FGGY: variants seen among roughly 807,000 people sequenced by gnomAD.
FGGY encodes the protein FGGY carbohydrate kinase domain-containing protein.
Under a neutral mutation model 71.3 loss-of-function variants are expected in FGGY, and 72 were observed. The ratio of observed to expected loss-of-function variants is 1.01; its 90% confidence interval spans 0.84 to 1.23. The LOEUF (loss-of-function observed/expected upper bound fraction) is 1.23, where lower values mean the gene tolerates loss of function less well. Ranked by LOEUF, FGGY falls within the 50% of genes most tolerant of loss-of-function variation. The pLI is 0.00. For missense variants in FGGY, 668 were observed against 682.3 expected (o/e 0.98, Z 0.23); for synonymous variants, 251 against 250.3 (o/e 1.00, Z -0.02).
intron 5 of FGGY, among the ~76,000 whole-genome samples, chr1:59,433,621 A>G (rs1488443476): frequency 2.6e-5 from 4 of 152,162 alleles, no homozygotes; most frequent in African/African-American, 9.7e-5. Flanking sequence ...ATGCTTTTGT[A>G]AATTTCCTGG....
chr1:59,638,660 C>T (rs2096987035), intron 11 of FGGY, among the ~76,000 whole-genome samples: 1 of 152,164 alleles, frequency 6.6e-6, no homozygotes, highest in Non-Finnish European at 1.5e-5. Flanking sequence ...GTAATTTTGG[C>T]ATTTATATCA....
intron 2 of FGGY, among the ~76,000 whole-genome samples, chr1:59,329,391 G>C (rs1434308957): frequency 6.6e-6 from 1 of 152,220 alleles, no homozygotes; most frequent in East Asian, 1.9e-4. Flanking sequence ...TGGAAAAATG[G>C]CAGCAATGGA....
chr1:59,409,330 G>A (rs927012441), intron 5 of FGGY, among the ~76,000 whole-genome samples: 3 of 152,120 alleles, frequency 2.0e-5, no homozygotes, highest in South Asian at 2.1e-4. Context: ...TTTCCTCTGC[G>A]AGAGGCCCAG....
intron 8 of FGGY, among the ~76,000 whole-genome samples, chr1:59,590,828 T>C (rs1213477915): frequency 6.6e-6 from 1 of 152,086 alleles, no homozygotes; most frequent in Non-Finnish European, 1.5e-5. Flanking sequence ...CCACAGCCAA[T>C]ATCATACTGA....
rs142694961 is a variant in FGGY at position 59,471,335 on chromosome 1, G to A, written c.670+14259G>A. Among the ~76,000 whole-genome samples, 1,184 of 152,226 alleles carry A rather than the reference G, an allele frequency of 7.8e-3. 16 individuals are homozygous for A. Among genetic ancestry groups the A allele is most frequent in the African/African-American group, 0.027 (1,130 of 41,524 alleles). ...CCTCCCAAGCCAGGTGGAATGGTGA[G>A]TCAATTAAACCTCTTTTCTTCATAA... On this transcript the variant is annotated intron_variant, in intron 6 of 15. Transcript: ENST00000303721.
chr1:59,539,988 T>C (rs1457700816), intron 7 of FGGY, among the ~76,000 whole-genome samples: 2 of 152,220 alleles, frequency 1.3e-5, no homozygotes, highest in African/African-American at 4.8e-5. Flanking sequence ...AAAGAGGATA[T>C]ACAAATGGAC....
intron 7 of FGGY, among the ~76,000 whole-genome samples, chr1:59,523,710 T>G (rs1431066657): frequency 6.6e-6 from 1 of 152,310 alleles, no homozygotes; most frequent in East Asian, 1.9e-4. Flanking sequence ...TATCTGTGCT[T>G]TGTACTATGA....
chr1:59,566,325 C>A (rs145712679), intron 8 of FGGY, among the ~76,000 whole-genome samples: 1 of 152,064 alleles, frequency 6.6e-6, no homozygotes, highest in Admixed American at 6.6e-5. Flanking sequence ...AGTATTTATG[C>A]CTTGTTTTTC....
At chr1:59,581,999 T>C (rs2096203465) in intron 8 of FGGY, among the ~76,000 whole-genome samples, 1 of 149,936 alleles carries the variant, frequency 6.7e-6, no homozygotes, top group Non-Finnish European at 1.5e-5. Flanking sequence ...TTAAAGATCA[T>C]TCAGCCTGTA....
chr1:59,300,440 A>G (rs1192815067), intron 1 of FGGY, among the ~76,000 whole-genome samples: 1 of 152,198 alleles, frequency 6.6e-6, no homozygotes, highest in East Asian at 1.9e-4. Flanking sequence ...GCTTGTCTCA[A>G]CAGTGTCTTT....
intron 14 of FGGY, 118 bp from the exon 15 acceptor site, chr1:59,757,813 G>A (rs2098306190): frequency 3.2e-6 from 2 of 627,164 alleles, no homozygotes; most frequent in East Asian, 2.8e-5. Context: ...AAAAAAAAGA[G>A]GACTAACCAA....
intron 5 of FGGY, among the ~76,000 whole-genome samples, chr1:59,436,638 A>G (rs961264219): frequency 6.6e-6 from 1 of 152,174 alleles, no homozygotes; most frequent in African/African-American, 2.4e-5. Flanking sequence ...GAGTTCCTGA[A>G]TTTGCTTTTA....
chr1:59,559,566 C>T (rs944291710), intron 8 of FGGY, among the ~76,000 whole-genome samples: 1 of 152,140 alleles, frequency 6.6e-6, no homozygotes, highest in Non-Finnish European at 1.5e-5. Context: ...CTAGTTTTTA[C>T]AAGCACATAG....
chr1:59,659,367 T>C (rs1197307576), intron 11 of FGGY, among the ~76,000 whole-genome samples: 1 of 152,174 alleles, frequency 6.6e-6, no homozygotes, highest in Non-Finnish European at 1.5e-5. Context: ...AGCTCCCTTA[T>C]TTTGATGCAA....
chr1:59,720,076 T>C (rs1017224499), intron 14 of FGGY, among the ~76,000 whole-genome samples: 2 of 152,222 alleles, frequency 1.3e-5, no homozygotes, highest in African/African-American at 4.8e-5. Context: ...TTCTCGTGCC[T>C]TTGTTAGCAT....
At chr1:59,461,315 G>T (rs2153521231) in intron 6 of FGGY, among the ~76,000 whole-genome samples, 1 of 152,278 alleles carries the variant, frequency 6.6e-6, no homozygotes, top group South Asian at 2.1e-4. Context: ...GGAAGAAAGG[G>T]TATCAGTGAT....
chr1:59,666,371 A>G (rs2097326309), intron 12 of FGGY, among the ~76,000 whole-genome samples: 1 of 152,212 alleles, frequency 6.6e-6, no homozygotes, highest in African/African-American at 2.4e-5. Flanking sequence ...TTATGGCCAC[A>G]TCACAGTTCA....
intron 6 of FGGY, among the ~76,000 whole-genome samples, chr1:59,468,484 G>A (rs1274590939): frequency 6.6e-6 from 1 of 152,152 alleles, no homozygotes; most frequent in Non-Finnish European, 1.5e-5. Flanking sequence ...TCTTAGAAAG[G>A]TTGGGCATTT....
At chr1:59,653,841 G>A (rs911544825) in intron 11 of FGGY, among the ~76,000 whole-genome samples, 2 of 152,264 alleles carry the variant, frequency 1.3e-5, no homozygotes, top group East Asian at 1.9e-4. Flanking sequence ...GAACCACTCC[G>A]ATTTCTATTT....
Sources: allele counts gnomAD v4.1 joint callset (sites outside exome capture counted in the v4.1 genomes callset), GRCh38; gene constraint gnomAD v4.1.1; transcripts MANE v1.5; gene names NCBI Gene and HGNC (gene_info 2026-07-23, HGNC 2026-07-21).